TMEM44: variants seen among roughly 807,000 people sequenced by gnomAD.
TMEM44 encodes transmembrane protein 44.
In TMEM44, 43 loss-of-function variants were observed where a neutral mutation model predicts 47.8. The observed-to-expected ratio is 0.90, with a 90% CI of 0.70 to 1.16. The LOEUF (loss-of-function observed/expected upper bound fraction) is 1.16, where lower values mean the gene tolerates loss of function less well. TMEM44 is among the 50% of genes most tolerant of loss of function. The pLI is 0.00. For synonymous variants in TMEM44, 277 were observed against 238.8 expected (o/e 1.16, Z -1.48); for missense variants, 568 against 555.2 (o/e 1.02, Z -0.23).
At chr3:194,604,172 G>T in intron 9 of TMEM44, 115 bp downstream of exon 9, 1 of 1,318,306 alleles carries the variant, frequency 7.6e-7, no homozygotes, top group Non-Finnish European at 1.0e-6. Flanking sequence ...TATTTAGCAG[G>T]TATGAGGTTA....
chr3:194,620,352 G>C (rs1319830302), intron 5 of TMEM44, among the ~76,000 whole-genome samples: 1 of 150,958 alleles, frequency 6.6e-6, no homozygotes, highest in African/African-American at 2.4e-5. Context: ...CCCTGTCTTG[G>C]TTCTGTTCTC....
In TMEM44 at chr3:194,611,085, C is replaced by T; in HGVS notation, c.913-65G>A. ...AAAGTCAGGAGGCATTTTCTAAAAA[C>T]AAGGTCACATTTTATTCAAAAGGAC... On this transcript the variant is annotated intron_variant, in intron 7 of 9. Coordinates refer to ENST00000347147, the MANE Select transcript of TMEM44 (RefSeq NM_001011655.3). The surrounding 1 kb of genome is among the most constrained non-coding windows in gnomAD (Gnocchi z 4.2). 7.3e-7 allele frequency: 1 copy of T among 1,377,238 alleles called. No individual in the cohort carries two copies. The highest frequency in any genetic ancestry group is 1.0e-6 in the Non-Finnish European group (1 of 973,254). The allele number at this position is 1,377,238 out of a possible 1,614,324, so 85.3% of individuals were successfully genotyped here. A position where few individuals can be genotyped will look rare whatever the true frequency, so the allele number is the denominator to read the frequency against.
chr3:194,627,049 G>A (rs1717262811), intron 2 of TMEM44, among the ~76,000 whole-genome samples: 2 of 152,056 alleles, frequency 1.3e-5, no homozygotes, highest in African/African-American at 4.8e-5. Flanking sequence ...AGCCCGCTGA[G>A]TAGCTGGGAC....
intron 1 of TMEM44, among the ~76,000 whole-genome samples, chr3:194,631,585 C>T (rs550037672): frequency 5.9e-5 from 9 of 152,296 alleles, no homozygotes; most frequent in South Asian, 2.1e-4. Context: ...CTCCCAGAGG[C>T]GGACCCCAAT....
At chr3:194,624,667 A>C (rs1427116743) in intron 3 of TMEM44, among the ~76,000 whole-genome samples, 1 of 150,534 alleles carries the variant, frequency 6.6e-6, no homozygotes, top group African/African-American at 2.4e-5. Context: ...AATCTTCCCA[A>C]CTCAGCCTCC....
chr3:194,626,653 C>T (rs1030064658), intron 2 of TMEM44, among the ~76,000 whole-genome samples: 18 of 151,582 alleles, frequency 1.2e-4, no homozygotes, highest in East Asian at 7.7e-4. Flanking sequence ...CAACACAAAA[C>T]GGTCTGTAGT....
rs545089259 is a variant in TMEM44, at chr3:194,602,705, A to C, written c.1176+1582T>G. Among the ~76,000 whole-genome samples, 7 of 151,858 alleles carry C rather than the reference A, an allele frequency of 4.6e-5. No individual in the cohort carries two copies. The South Asian group carries it at 1.2e-3, about 27-fold the overall frequency. ...CTGACCTGTGGCGAAAGGGCCAGAG[A>C]AGAGTCCGTGGCCAGGTAGTGCTCC... is the stretch of plus-strand genomic sequence containing the variant. On this transcript the variant is annotated intron_variant, in intron 9 of 9. Coordinates refer to ENST00000347147, the MANE Select transcript of TMEM44 (RefSeq NM_001011655.3).
At chr3:194,594,325 A>G (rs1713150132) in intron 9 of TMEM44, among the ~76,000 whole-genome samples, 4 of 151,644 alleles carry the variant, frequency 2.6e-5, no homozygotes, top group Non-Finnish European at 5.9e-5. Flanking sequence ...GACCATGCCC[A>G]GCTAATTTTG....
chr3:194,628,869 T>C (rs1462493377), intron 1 of TMEM44, among the ~76,000 whole-genome samples: 1 of 152,058 alleles, frequency 6.6e-6, no homozygotes, highest in Non-Finnish European at 1.5e-5. Flanking sequence ...AGGAGGGTTA[T>C]AAAAGTAACT....
intron 1 of TMEM44, 134 bp from the exon 2 acceptor site, chr3:194,628,643 G>T: frequency 8.9e-7 from 1 of 1,126,648 alleles, no homozygotes; most frequent in Non-Finnish European, 1.2e-6. Flanking sequence ...ACGTGTTTTT[G>T]AACTGAGTTT....
At chr3:194,589,482 T>C (rs907716836) in intron 9 of TMEM44, 4 of 152,266 alleles carry the variant, frequency 2.6e-5, no homozygotes, top group African/African-American at 9.7e-5. Context: ...AGGTAGATGA[T>C]GGGCTCCACG....
chr3:194,594,153 A>ATCTATCTATCTATCTATCTGTCTG (rs772169628), intron 9 of TMEM44, among the ~76,000 whole-genome samples: 8,388 of 148,342 alleles, frequency 0.057, 327 homozygotes, highest in Non-Finnish European at 0.074. Context: ...CTATCTATCT[A>ATCTATCTATCTATCTATCTGTCTG]TCTATCTATC....
Position 194,588,214 on chromosome 3 carries a change from C to G in TMEM44, c.*315G>C, listed in dbSNP as rs1276588556. The G allele has an allele frequency of 9.8e-6, 3 of 306,262 alleles. No homozygotes were observed. The allele number at this position is 306,262 out of a possible 1,614,324, so 19.0% of individuals were successfully genotyped here. A position where few individuals can be genotyped will look rare whatever the true frequency, so the allele number is the denominator to read the frequency against. On this transcript the variant is annotated 3_prime_UTR_variant, in exon 10 of 10. Coordinates refer to ENST00000347147, the MANE Select transcript of TMEM44 (RefSeq NM_001011655.3). ...TAGCAGGTATTCCGTTCATGGCTGA[C>G]TCTCAAGGGAATGAAGGGAAAAGGA...
chr3:194,625,817 G>A (rs1717104618), intron 3 of TMEM44, 80 bp downstream of exon 3: 1 of 1,290,470 alleles, frequency 7.7e-7, no homozygotes, highest in African/African-American at 1.5e-5. Flanking sequence ...GCCCGCTCTG[G>A]GAGTGATAAG....
rs149267668 is a variant in TMEM44 at position 194,617,104 on chromosome 3, G to C, written c.778C>G (p.Leu260Val). ...LTSLGRAALDLAIIFLSCVMK... is the reference protein window; with the variant it reads ...LTSLGRAALDVAIIFLSCVMK... ...CCCAGGCCTGGGGTGGATACAGCGA[G>C]GTCCAGTGCCGCACGGCCGAGGGAG... Residue 260 changes from leucine (L) to valine (V), a missense_variant, in exon 6 of 10, where the codon CTC becomes GTC. Coordinates refer to ENST00000347147, the MANE Select transcript of TMEM44 (RefSeq NM_001011655.3). The C allele has an allele frequency of 1.2e-3, 1,793 of 1,533,086 alleles. 32 individuals carry two copies. The South Asian group carries it at 0.019, about 16-fold the overall frequency. The allele number at this position is 1,533,086 out of a possible 1,614,324, so 95.0% of individuals were successfully genotyped here.
rs559819028 is a variant in TMEM44, at chr3:194,633,104, A to G, written c.112T>C (p.Ser38Pro). ...AGCGCGTGGGCGGCGATCCAGCAGGAGGAGGCGCAGATCCACAGGCCGAAG... is the reference window on the plus strand; with the variant it reads ...AGCGCGTGGGCGGCGATCCAGCAGGGGGAGGCGCAGATCCACAGGCCGAAG... ...ISFGLWICASSCWIAAHALLL... is the reference protein window; with the variant it reads ...ISFGLWICASPCWIAAHALLL... Residue 38 changes from serine (S) to proline (P), a missense_variant, in exon 1 of 10, where the codon TCC becomes CCC. Transcript: ENST00000347147. The G allele has an allele frequency of 1.3e-6, 2 of 1,549,930 alleles. No individual in the cohort carries two copies. The highest frequency in any genetic ancestry group is 1.7e-6 in the Non-Finnish European group (2 of 1,147,272).
At chr3:194,618,138 G>T (rs1716143008) in intron 5 of TMEM44, among the ~76,000 whole-genome samples, 1 of 152,192 alleles carries the variant, frequency 6.6e-6, no homozygotes, top group African/African-American at 2.4e-5. Context: ...CGGATCAGAA[G>T]AGCTGAGGCC....
chr3:194,591,538 G>A (rs1397855882), intron 9 of TMEM44, among the ~76,000 whole-genome samples: 1 of 152,018 alleles, frequency 6.6e-6, no homozygotes, highest in Non-Finnish European at 1.5e-5. Context: ...AAATAAAGTG[G>A]TACAAATCTT....
At chr3:194,615,136 G>C (rs1028255365) in intron 7 of TMEM44, among the ~76,000 whole-genome samples, 2 of 152,140 alleles carry the variant, frequency 1.3e-5, no homozygotes, top group African/African-American at 4.8e-5. Flanking sequence ...CAGCTACTTG[G>C]GTGGCTGAGG....
Sources: gnomAD v4.1 joint callset for allele counts (sites outside exome capture counted in the v4.1 genomes callset) on GRCh38, gnomAD v4.1.1 for gene constraint, Gnocchi (gnomAD v3.1) non-coding constraint, MANE v1.5 for transcripts, NCBI Gene and HGNC (gene_info 2026-07-23, HGNC 2026-07-21) for gene names.